NDRG4: variants seen among roughly 807,000 people sequenced by gnomAD.
The protein encoded by NDRG4 is protein NDRG4.
In NDRG4, 38 loss-of-function variants were observed where a neutral mutation model predicts 55.8. The observed-to-expected ratio is 0.68, with a 90% CI of 0.53 to 0.89. The LOEUF is 0.89. Ranked by LOEUF, NDRG4 falls within the 40% of genes least tolerant of loss-of-function variation. The pLI, the probability that NDRG4 is intolerant of heterozygous loss-of-function variation, is 0.00. For synonymous variants in NDRG4, 190 were observed against 182.7 expected, an observed-to-expected ratio of 1.04 and a Z score of -0.32; for missense variants, 455 against 468.6, an observed-to-expected ratio of 0.97 and a Z score of 0.27.
intron 2 of NDRG4, among the ~76,000 whole-genome samples, chr16:58,488,362 C>T (rs189927302): frequency 8.1e-4 from 124 of 152,334 alleles, no homozygotes; most frequent in Middle Eastern, 3.4e-3. Flanking sequence ...AAGACCCCTC[C>T]GTCAAGGGAC....
chr16:58,477,911 A>T lies in NDRG4; in HGVS notation c.-23-9845A>T, dbSNP rs145356140. Among the ~76,000 whole-genome samples, 1,095 of 152,274 alleles carry T rather than the reference A, an allele frequency of 7.2e-3. 14 individuals carry two copies. The highest frequency in any genetic ancestry group is 0.025 in the African/African-American group (1,041 of 41,556). ...CTGGCAGAGAGCTCCTTATCAAGGG[A>T]TCAAGGTTAACGTCCTCTGTAATAA... On this transcript the variant is annotated intron_variant, in intron 1 of 15. Coordinates refer to the NDRG4 transcript ENST00000258187.
chr16:58,503,652 G>A (rs2151796318), intron 1 of NDRG4, 146 bp from the exon 2 acceptor site: 1 of 1,499,360 alleles, frequency 6.7e-7, no homozygotes, highest in South Asian at 1.2e-5. Flanking sequence ...GTCCTCTCTG[G>A]GGGCTTCTTG....
At chr16:58,510,575 G>A (rs376878164) in intron 13 of NDRG4, 70 bp from the exon 14 acceptor site, 47 of 1,347,016 alleles carry the variant, frequency 3.5e-5, no homozygotes, top group East Asian at 2.7e-4. Context: ...TTGACTCAGC[G>A]GACCACGCTC....
In NDRG4 at chr16:58,512,509, G is replaced by T; in HGVS notation, c.*933G>T. Reference sequence around the variant, plus strand: ...GGGCAACGCCATCAGTAGCAGTGTGGTGTTTCAGGCAGAGCTCTGGCCAGG... The same window carrying T: ...GGGCAACGCCATCAGTAGCAGTGTGTTGTTTCAGGCAGAGCTCTGGCCAGG... On this transcript the variant is annotated 3_prime_UTR_variant, in exon 15 of 15. Coordinates refer to ENST00000570248, the MANE Select transcript of NDRG4 (RefSeq NM_001242835.2). The T allele has an allele frequency of 4.3e-6, 1 of 232,668 alleles. No individual in the cohort carries two copies. The highest frequency in any genetic ancestry group is 4.8e-5 in the South Asian group (1 of 20,790). The allele number at this position is 232,668 out of a possible 1,614,324, so 14.4% of individuals were successfully genotyped here. A position where few individuals can be genotyped will look rare whatever the true frequency, so the allele number is the denominator to read the frequency against.
intron 1 of NDRG4, among the ~76,000 whole-genome samples, chr16:58,479,538 A>G (rs2034139882): frequency 6.6e-6 from 1 of 152,232 alleles, no homozygotes; most frequent in African/African-American, 2.4e-5. Flanking sequence ...TTCTCCAAAT[A>G]AAGTTGAACC....
At chr16:58,489,786 C>T (rs1249122026) in intron 2 of NDRG4, among the ~76,000 whole-genome samples, 1 of 151,984 alleles carries the variant, frequency 6.6e-6, no homozygotes, top group Non-Finnish European at 1.5e-5. Flanking sequence ...CTAAAAAGTG[C>T]CCCCCTACTC....
rs1247033982 is a variant in NDRG4, at chr16:58,506,277, C to T, written c.373-110C>T. ...TGGACATGGGTGTGCATGCACAGAC[C>T]CGGCTGTAGCCGGGTGGCTGATCAG... On this transcript the variant is annotated intron_variant, in intron 5 of 14. Transcript: ENST00000570248. 4 of 1,047,898 alleles carry T rather than the reference C, an allele frequency of 3.8e-6. No individual in the cohort carries two copies. The African/African-American group carries it at 6.2e-5, about 16-fold the overall frequency. 64.9% of individuals were successfully genotyped at this position (1,047,898 alleles called of 1,614,324 possible). A position where few individuals can be genotyped will look rare whatever the true frequency, so the allele number is the denominator to read the frequency against.
rs776247557 is a variant in NDRG4 at position 58,512,071 on chromosome 16, C to G, written c.*495C>G. ...GCACATGTGACAATCATCTGGACAA[C>G]AGCCACAAGGGGGCGCTCGGACCAG... On this transcript the variant is annotated 3_prime_UTR_variant, in exon 15 of 15. Coordinates refer to ENST00000570248, the MANE Select transcript of NDRG4 (RefSeq NM_001242835.2). 1 of 456,876 alleles carries G rather than the reference C, an allele frequency of 2.2e-6. No homozygotes were observed. The highest frequency in any genetic ancestry group is 4.4e-6 in the Non-Finnish European group (1 of 227,074). The allele number at this position is 456,876 out of a possible 1,614,324, so 28.3% of individuals were successfully genotyped here.
chr16:58,505,944 A>T (rs1364896919), intron 5 of NDRG4: 2 of 290,452 alleles, frequency 6.9e-6, no homozygotes, highest in Admixed American at 5.5e-5. Context: ...CTGGTCTCGT[A>T]TGCCTGACCT....
chr16:58,485,741 G>A (rs887416470), intron 1 of NDRG4, among the ~76,000 whole-genome samples: 2 of 152,086 alleles, frequency 1.3e-5, no homozygotes, highest in South Asian at 2.1e-4. Context: ...ACTGGGAGCC[G>A]GGACTCCAGC....
intron 1 of NDRG4, among the ~76,000 whole-genome samples, chr16:58,465,387 G>C (rs2031400748): frequency 6.6e-6 from 1 of 152,156 alleles, no homozygotes; most frequent in Non-Finnish European, 1.5e-5. Flanking sequence ...AATCCGAGTC[G>C]GGGGCAGCTT....
chr16:58,466,932 C>T (rs2031804290), intron 1 of NDRG4, among the ~76,000 whole-genome samples: 1 of 152,160 alleles, frequency 6.6e-6, no homozygotes, highest in Non-Finnish European at 1.5e-5. Flanking sequence ...CCTGTCCTGG[C>T]TGGTTGGCAC....
intron 1 of NDRG4, among the ~76,000 whole-genome samples, chr16:58,480,703 T>C (rs922458334): frequency 1.3e-5 from 2 of 152,158 alleles, no homozygotes; most frequent in African/African-American, 4.8e-5. Flanking sequence ...TGGACTCTGA[T>C]AGGGTTGGAC....
intron 1 of NDRG4, chr16:58,501,219 C>T (rs1170450791): frequency 9.1e-6 from 4 of 439,734 alleles, no homozygotes; most frequent in African/African-American, 4.0e-5. Context: ...AGCACCTGCC[C>T]GCCCATGCAG....
At chr16:58,505,893 T>C (rs2065710135) in intron 5 of NDRG4, 1 of 244,246 alleles carries the variant, frequency 4.1e-6, no homozygotes, top group Non-Finnish European at 7.9e-6. Context: ...GGCTAATTTT[T>C]GTATTTTTAT....
chr16:58,510,223 T>C (rs569632060), intron 13 of NDRG4, among the ~76,000 whole-genome samples: 8 of 152,320 alleles, frequency 5.3e-5, no homozygotes, highest in African/African-American at 1.9e-4. Context: ...GCACAGAGTC[T>C]GGAATCAGGG....
At chr16:58,499,783 C>G, upstream of NDRG4, 1 of 286,220 alleles carries the variant, frequency 3.5e-6, no homozygotes, top group East Asian at 1.2e-4. Flanking sequence ...GTAAGCTGTG[C>G]ATGTCTGTGA....
At chr16:58,470,511 T>A (rs1242881670) in intron 1 of NDRG4, among the ~76,000 whole-genome samples, 1 of 152,234 alleles carries the variant, frequency 6.6e-6, no homozygotes, top group East Asian at 1.9e-4. Context: ...TGTTACCTGA[T>A]GTGGCAAAAG....
chr16:58,478,699 T>TTTTTTTTTTTTTTTTTTTTTTTTTTTC (rs2034029264), intron 1 of NDRG4, among the ~76,000 whole-genome samples: 1 of 144,786 alleles, frequency 6.9e-6, no homozygotes, highest in African/African-American at 2.8e-5. Flanking sequence ...TGTTTTTTGT[T>TTTTTTTTTTTTTTTTTTTTTTTTTTTC]TTTTTTTTTT....
Sources: gnomAD v4.1 joint callset for allele counts (sites outside exome capture counted in the v4.1 genomes callset) on GRCh38, gnomAD v4.1.1 for gene constraint, MANE v1.5 for transcripts, NCBI Gene and HGNC (gene_info 2026-07-23, HGNC 2026-07-21) for gene names.